Variants in PLXDC2 observed in about 807,000 individuals in gnomAD.
PLXDC2 encodes the protein plexin domain-containing protein 2.
Under a neutral mutation model 68.9 loss-of-function variants are expected in PLXDC2, and 40 were observed. The observed-to-expected ratio is 0.58, with a 90% CI of 0.45 to 0.76. PLXDC2 has a LOEUF of 0.76. Among genes scored for constraint, PLXDC2 ranks in the 30% least tolerant of loss-of-function variants. The pLI, the probability that PLXDC2 is intolerant of heterozygous loss-of-function variation, is 0.00. For missense variants in PLXDC2, 644 were observed against 661.9 expected, an observed-to-expected ratio of 0.97 and a Z score of 0.30; for synonymous variants, 243 against 234.2, an observed-to-expected ratio of 1.04 and a Z score of -0.34.
chr10:20,246,800 G>T (rs1184056562), intron 13 of PLXDC2, among the ~76,000 whole-genome samples: 1 of 152,096 alleles, frequency 6.6e-6, no homozygotes, highest in African/African-American at 2.4e-5. Flanking sequence ...ACATGGAAAG[G>T]TTGCTTGGAA....
intron 1 of PLXDC2, among the ~76,000 whole-genome samples, chr10:19,943,191 T>A (rs572864043): frequency 2.6e-5 from 4 of 150,948 alleles, no homozygotes; most frequent in African/African-American, 9.6e-5. Context: ...AACCCACGAT[T>A]ATTGAATAAT....
intron 1 of PLXDC2, among the ~76,000 whole-genome samples, chr10:19,956,503 A>G (rs1834071697): frequency 6.6e-6 from 1 of 152,218 alleles, no homozygotes; most frequent in East Asian, 1.9e-4. Flanking sequence ...TCTTAGTATT[A>G]ACATTCCTCA....
At chr10:19,964,167 GCTGAAGA>G (rs1834208795) in intron 1 of PLXDC2, among the ~76,000 whole-genome samples, 1 of 152,194 alleles carries the variant, frequency 6.6e-6, no homozygotes, top group Admixed American at 6.5e-5. Context: ...TCCCACCATG[GCTGAAGA>G]CTGAAGTCAA....
intron 2 of PLXDC2, among the ~76,000 whole-genome samples, chr10:20,045,045 G>A (rs1835773439): frequency 6.6e-6 from 1 of 152,026 alleles, no homozygotes; most frequent in Non-Finnish European, 1.5e-5. Flanking sequence ...AGCTTTTGGG[G>A]GCTGCATGAT....
At chr10:20,270,514 C>T (rs980475742) in intron 13 of PLXDC2, among the ~76,000 whole-genome samples, 1 of 151,946 alleles carries the variant, frequency 6.6e-6, no homozygotes, top group African/African-American at 2.4e-5. Flanking sequence ...ACTTCAAAGT[C>T]CAGAATCTGA....
chr10:19,851,756 C>T (rs1837121838), intron 1 of PLXDC2, among the ~76,000 whole-genome samples: 1 of 152,080 alleles, frequency 6.6e-6, no homozygotes, highest in African/African-American at 2.4e-5. Context: ...CGGTGTTGGC[C>T]AGGCTGGTCA....
rs1198215037 is a variant in PLXDC2 at position 20,280,495 on chromosome 10, C to G, written c.*676C>G. 1 of 152,076 alleles carries G rather than the reference C, an allele frequency of 6.6e-6. No homozygotes were observed. Among genetic ancestry groups the G allele is most frequent in the Non-Finnish European group, 1.5e-5 (1 of 68,020 alleles). 9.4% of individuals were successfully genotyped at this position (152,076 alleles called of 1,614,324 possible). A position where few individuals can be genotyped will look rare whatever the true frequency, so the allele number is the denominator to read the frequency against. On this transcript the variant is annotated 3_prime_UTR_variant, in exon 14 of 14. Coordinates refer to ENST00000377252, the MANE Select transcript of PLXDC2 (RefSeq NM_032812.9). ...TGCCTCTTCCTTTGTAATGAATGAC[C>G]TTTCTATGAGCTGTGACAAAATTTC...
At chr10:20,219,735 T>A (rs1034070396) in intron 12 of PLXDC2, among the ~76,000 whole-genome samples, 3 of 152,206 alleles carry the variant, frequency 2.0e-5, no homozygotes, top group Non-Finnish European at 4.4e-5. Flanking sequence ...TGTTGGCTCA[T>A]GTATGCTGGG....
At chr10:19,875,592 T>C (rs1347535210) in intron 1 of PLXDC2, among the ~76,000 whole-genome samples, 1 of 152,220 alleles carries the variant, frequency 6.6e-6, no homozygotes, top group East Asian at 1.9e-4. Flanking sequence ...GTATGGTGTG[T>C]GTGTGCACAC....
At chr10:20,033,883 T>C (rs1835539354) in intron 2 of PLXDC2, among the ~76,000 whole-genome samples, 1 of 152,198 alleles carries the variant, frequency 6.6e-6, no homozygotes, top group Non-Finnish European at 1.5e-5. Context: ...TACTGTTCTT[T>C]TTCTCTTCAC....
At chr10:20,222,104 C>G (rs960054437) in intron 12 of PLXDC2, among the ~76,000 whole-genome samples, 1 of 152,060 alleles carries the variant, frequency 6.6e-6, no homozygotes, top group African/African-American at 2.4e-5. Context: ...TATTTAGGGG[C>G]CTGTACTTTT....
At chr10:20,012,301 C>T (rs1024580851) in intron 2 of PLXDC2, among the ~76,000 whole-genome samples, 3 of 112,698 alleles carry the variant, frequency 2.7e-5, no homozygotes, top group Non-Finnish European at 1.7e-5. Context: ...CTCTCTCTCT[C>T]TCTTTTTTAT....
chr10:20,254,603 A>G (rs1429359122), intron 13 of PLXDC2, among the ~76,000 whole-genome samples: 2 of 152,238 alleles, frequency 1.3e-5, no homozygotes, highest in African/African-American at 2.4e-5. Flanking sequence ...TTAGCCGAAG[A>G]AAAAGATGGT....
intron 1 of PLXDC2, among the ~76,000 whole-genome samples, chr10:19,909,974 G>C (rs147583810): frequency 9.8e-4 from 149 of 152,182 alleles, no homozygotes; most frequent in African/African-American, 3.3e-3. Context: ...CGTATTTTGG[G>C]AAATATTTAG....
chr10:20,078,587 T>A (rs1294537766), intron 4 of PLXDC2, among the ~76,000 whole-genome samples: 1 of 152,200 alleles, frequency 6.6e-6, no homozygotes, highest in Non-Finnish European at 1.5e-5. Flanking sequence ...GATGGTAATT[T>A]TTTAGAAATA....
intron 1 of PLXDC2, among the ~76,000 whole-genome samples, chr10:19,875,356 A>G (rs1380942676): frequency 2.0e-5 from 3 of 152,192 alleles, no homozygotes; most frequent in Non-Finnish European, 4.4e-5. Context: ...AGCATCATGG[A>G]TGTAATAGAA....
chr10:20,126,394 T>C (rs1441212987), intron 4 of PLXDC2, among the ~76,000 whole-genome samples: 6 of 144,360 alleles, frequency 4.2e-5, no homozygotes, highest in African/African-American at 1.3e-4. Context: ...TGTTATATAA[T>C]ACATATATGT....
At chr10:19,838,007 AT>A (rs997797578) in intron 1 of PLXDC2, among the ~76,000 whole-genome samples, 298 of 152,276 alleles carry the variant, frequency 2.0e-3, no homozygotes, top group African/African-American at 7.0e-3. Context: ...TTATTGATTT[AT>A]TTATTTTTGA....
At chr10:20,067,640 A>G (rs1185839030) in intron 3 of PLXDC2, among the ~76,000 whole-genome samples, 1 of 150,640 alleles carries the variant, frequency 6.6e-6, no homozygotes, top group East Asian at 2.0e-4. Flanking sequence ...GTGAGCCGAG[A>G]TTGCGTCACT....
Sources: allele counts gnomAD v4.1 joint callset (sites outside exome capture counted in the v4.1 genomes callset), GRCh38; gene constraint gnomAD v4.1.1; transcripts MANE v1.5; gene names NCBI Gene and HGNC (gene_info 2026-07-23, HGNC 2026-07-21).